The following CMIP variants were observed in gnomAD, a reference collection of about 807,000 sequenced individuals.
CMIP encodes the protein C-Maf-inducing protein.
Under a neutral mutation model 97.3 loss-of-function variants are expected in CMIP, and 13 were observed. The observed-to-expected ratio is 0.13, with a 90% CI of 0.09 to 0.21. CMIP has a LOEUF of 0.21. Among genes scored for constraint, CMIP ranks in the 10% least tolerant of loss-of-function variants. The pLI, the probability that CMIP is intolerant of heterozygous loss-of-function variation, is 1.00. For missense variants in CMIP, 847 were observed against 1,024.9 expected (o/e 0.83, Z 2.37); for synonymous variants, 538 against 436.3 (o/e 1.23, Z -2.91).
intron 1 of CMIP, among the ~76,000 whole-genome samples, chr16:81,477,110 C>G (rs932009205): frequency 2.6e-5 from 4 of 152,108 alleles, no homozygotes; most frequent in African/African-American, 9.7e-5. Context: ...CTGGTTGTGT[C>G]TATCTTCTGA....
At position 81,711,032 on chromosome 16, in the gene CMIP, C is replaced by T. The variant is rs1057254714; in HGVS notation, c.*1233C>T. On this transcript the variant is annotated 3_prime_UTR_variant, in exon 21 of 21. Coordinates refer to ENST00000537098, the MANE Select transcript of CMIP (RefSeq NM_198390.3). The stretch of plus-strand genomic sequence containing the variant: ...GCCCTCCCCACCCCACCCCCGCCAC[C>T]CCCCACATGTGACCACTGCAACGAA... 6.7e-6 allele frequency: 1 copy of T among 150,004 alleles called. No individual in the cohort carries two copies. The highest frequency in any genetic ancestry group is 1.5e-5 in the Non-Finnish European group (1 of 67,556). 9.3% of individuals were successfully genotyped at this position (150,004 alleles called of 1,614,324 possible).
rs1904510438 is a variant in CMIP at position 81,678,522 on chromosome 16, C to G, written c.1282C>G (p.Leu428Val). ...ASAGNDSEPN[L>V]IDCLMVSPAC... ...CGCAGGCAACGACAGCGAGCCCAACCTCATCGACTGCCTCATGGTCAGCCC... is the reference window on the plus strand; with the variant it reads ...CGCAGGCAACGACAGCGAGCCCAACGTCATCGACTGCCTCATGGTCAGCCC... Residue 428 changes from leucine to valine, a missense_variant, in exon 10 of 21, where the codon CTC (leucine) becomes GTC (valine). Leu to Val is a conservative substitution (Grantham distance 32). Around this residue, in one of 4 missense-constraint regions of CMIP, gnomAD observed 202 missense variants for 168.7 expected, o/e 1.20. Transcript: ENST00000537098. 2 of 1,604,982 alleles carry G rather than the reference C, an allele frequency of 1.2e-6. No individual in the cohort carries two copies. The highest frequency in any genetic ancestry group is 1.7e-6 in the Non-Finnish European group (2 of 1,176,702).
intron 9 of CMIP, among the ~76,000 whole-genome samples, chr16:81,676,413 A>G (rs1904310641): frequency 6.6e-6 from 1 of 152,042 alleles, no homozygotes; most frequent in African/African-American, 2.4e-5. Context: ...CACTGAAAAG[A>G]ACAGACAACT....
intron 10 of CMIP, among the ~76,000 whole-genome samples, chr16:81,685,054 C>G (rs11646472): frequency 0.26 from 40,210 of 152,206 alleles, 5,689 homozygotes; most frequent in Middle Eastern, 0.34. Flanking sequence ...GTTCCTCATT[C>G]CCTTCTTCGT....
intron 1 of CMIP, among the ~76,000 whole-genome samples, chr16:81,587,307 C>G (rs1363877550): frequency 6.6e-6 from 1 of 152,212 alleles, no homozygotes. Context: ...ATTTGAAACA[C>G]CACCTCTGCT....
chr16:81,611,119 T>C (rs1033531688), intron 2 of CMIP, among the ~76,000 whole-genome samples: 2 of 152,318 alleles, frequency 1.3e-5, no homozygotes, highest in African/African-American at 4.8e-5. Context: ...ACTCATCAAA[T>C]TAATAACACA....
chr16:81,530,926 C>G (rs2090221982), intron 1 of CMIP, among the ~76,000 whole-genome samples: 1 of 152,216 alleles, frequency 6.6e-6, no homozygotes. Context: ...CCCACCCGCC[C>G]TTCTCCTGCT....
At position 81,702,726 on chromosome 16, in the gene CMIP, G is replaced by C; in HGVS notation, c.1944+57G>C. ...TGGAGAAGGTGGGTTGGTCCTCTCTGTTGGGGAACGGCAGGTGGTGTCTGC... is the reference window on the plus strand; with the variant it reads ...TGGAGAAGGTGGGTTGGTCCTCTCTCTTGGGGAACGGCAGGTGGTGTCTGC... On this transcript the variant is annotated intron_variant, in intron 17 of 20. Coordinates refer to ENST00000537098, the MANE Select transcript of CMIP (RefSeq NM_198390.3). The C allele has an allele frequency of 2.0e-6, 3 of 1,492,814 alleles. No homozygotes were observed. In the East Asian group the frequency reaches 6.9e-5, roughly 34 times the overall value. 92.5% of individuals were successfully genotyped at this position (1,492,814 alleles called of 1,614,324 possible).
intron 1 of CMIP, among the ~76,000 whole-genome samples, chr16:81,552,729 C>A (rs546722191): frequency 6.6e-6 from 1 of 152,212 alleles, no homozygotes. Context: ...GGGATCAGGG[C>A]GAAGACATAG....
chr16:81,555,962 G>C (rs1000454), intron 1 of CMIP, among the ~76,000 whole-genome samples: 83,817 of 152,046 alleles, frequency 0.55, 23,657 homozygotes, highest in East Asian at 0.8. Flanking sequence ...CAGGAAGTGT[G>C]CAATTAATAG....
intron 3 of CMIP, among the ~76,000 whole-genome samples, chr16:81,629,471 C>A (rs894688829): frequency 1.3e-5 from 2 of 152,220 alleles, no homozygotes; most frequent in African/African-American, 4.8e-5. Context: ...CAGCTCATCC[C>A]TTGGTCTTGA....
At chr16:81,583,462 G>A (rs1198572598) in intron 1 of CMIP, among the ~76,000 whole-genome samples, 5 of 152,206 alleles carry the variant, frequency 3.3e-5, no homozygotes, top group African/African-American at 4.8e-5. Context: ...GTTAGTGCCC[G>A]AATTTGCTTT....
At chr16:81,613,103 GC>G (rs753894333) in intron 2 of CMIP, among the ~76,000 whole-genome samples, 2 of 152,218 alleles carry the variant, frequency 1.3e-5, no homozygotes, top group Non-Finnish European at 2.9e-5. Flanking sequence ...AAGTAGACAA[GC>G]CAAAGGAACG....
chr16:81,461,348 A>G (rs1906885955), intron 1 of CMIP, among the ~76,000 whole-genome samples: 1 of 152,200 alleles, frequency 6.6e-6, no homozygotes, highest in Non-Finnish European at 1.5e-5. Flanking sequence ...AATCAGAGCC[A>G]GCCATAGTTG....
chr16:81,690,487 C>T (rs1168349363), intron 10 of CMIP, among the ~76,000 whole-genome samples: 1 of 152,222 alleles, frequency 6.6e-6, no homozygotes, highest in Non-Finnish European at 1.5e-5. Flanking sequence ...TGCCTCACAC[C>T]TGTAATCCTA....
Position 81,620,883 on chromosome 16 carries a change from A to G in CMIP, c.434A>G (p.Asn145Ser), listed in dbSNP as rs1365526172. The G allele has an allele frequency of 3.1e-6, 5 of 1,614,006 alleles. No homozygotes were observed. The highest frequency in any genetic ancestry group is 2.2e-5 in the East Asian group (1 of 44,878). Residue 145 changes from asparagine to serine, a missense_variant, in exon 3 of 21, where the codon AAT (asparagine) becomes AGT (serine). By Grantham distance (46) the Asn-to-Ser change is conservative (BLOSUM62 1). Around this residue, in one of 4 missense-constraint regions of CMIP, gnomAD observed 285 missense variants for 392.2 expected, o/e 0.73. Coordinates refer to ENST00000537098, the MANE Select transcript of CMIP (RefSeq NM_198390.3). ...PGGTVLLQAA[N>S]SYLRDQWFHS... is the part of the protein sequence containing the mutation. The stretch of plus-strand genomic sequence containing the variant: ...CTGTTCTTGTCGTTACAGGCTGCCA[A>G]TAGCTACCTGCGAGACCAGTGGTTC...
intron 1 of CMIP, chr16:81,519,699 A>G (rs1567555855): frequency 6.6e-6 from 1 of 152,212 alleles, no homozygotes; most frequent in Non-Finnish European, 1.5e-5. Context: ...ACAGGATAAA[A>G]CACATGAAAC....
chr16:81,653,930 G>C (rs1161748104), intron 4 of CMIP, among the ~76,000 whole-genome samples: 3 of 152,160 alleles, frequency 2.0e-5, no homozygotes, highest in African/African-American at 4.8e-5. Context: ...GGGCCTTTCT[G>C]TCTTCACTTC....
chr16:81,523,070 G>A (rs2090059181), intron 1 of CMIP, among the ~76,000 whole-genome samples: 1 of 152,104 alleles, frequency 6.6e-6, no homozygotes, highest in African/African-American at 2.4e-5. Flanking sequence ...GGGACTACAG[G>A]CACGCATCAC....
Sources: allele counts gnomAD v4.1 joint callset (sites outside exome capture counted in the v4.1 genomes callset), GRCh38; gene constraint gnomAD v4.1.1; regional missense constraint gnomAD v4.1.1; transcripts MANE v1.5; gene names NCBI Gene and HGNC (gene_info 2026-07-23, HGNC 2026-07-21).